ITPR2: variants seen among roughly 807,000 people sequenced by gnomAD.
The protein encoded by ITPR2 is inositol 1,4,5-trisphosphate-gated calcium channel ITPR2.
Under a neutral mutation model 317.1 loss-of-function variants are expected in ITPR2, and 207 were observed. That is an observed-to-expected ratio of 0.65 (90% confidence interval 0.58 to 0.73). The LOEUF (loss-of-function observed/expected upper bound fraction) is 0.73, where lower values mean the gene tolerates loss of function less well. Ranked by LOEUF, ITPR2 falls within the 30% of genes least tolerant of loss-of-function variation. ITPR2 has a pLI of 0.00. For synonymous variants in ITPR2, 1,156 were observed against 1,149.1 expected (o/e 1.01, Z -0.12); for missense variants, 2,613 against 3,284.0 (o/e 0.80, Z 4.99).
At chr12:26,827,221 G>T (rs1453235106) in intron 1 of ITPR2, among the ~76,000 whole-genome samples, 1 of 152,126 alleles carries the variant, frequency 6.6e-6, no homozygotes, top group Non-Finnish European at 1.5e-5. Flanking sequence ...TTCTTTAGAT[G>T]AAAATTTAAA....
At chr12:26,383,018 G>A (rs1049920636) in intron 55 of ITPR2, among the ~76,000 whole-genome samples, 3 of 152,160 alleles carry the variant, frequency 2.0e-5, no homozygotes, top group Non-Finnish European at 2.9e-5. Flanking sequence ...GGCTTAGTGG[G>A]AGGCTTTTGG....
intron 52 of ITPR2, among the ~76,000 whole-genome samples, 187 bp from the exon 53 acceptor site, chr12:26,400,445 T>C (rs961892108): frequency 6.6e-6 from 1 of 151,906 alleles, no homozygotes; most frequent in East Asian, 1.9e-4. Context: ...AAAAGATACA[T>C]ACAAATGTAT....
At chr12:26,760,413 C>A (rs1180203980) in intron 2 of ITPR2, among the ~76,000 whole-genome samples, 1 of 152,060 alleles carries the variant, frequency 6.6e-6, no homozygotes, top group African/African-American at 2.4e-5. Context: ...AGTATGTACA[C>A]TGAAAATGAA....
intron 8 of ITPR2, among the ~76,000 whole-genome samples, chr12:26,714,255 C>A (rs80106935): frequency 6.6e-6 from 1 of 152,164 alleles, no homozygotes; most frequent in African/African-American, 2.4e-5. Context: ...GTTATCTCTC[C>A]GTTTTTCAGT....
chr12:26,776,733 G>T (rs144876378), intron 2 of ITPR2, among the ~76,000 whole-genome samples: 1 of 152,208 alleles, frequency 6.6e-6, no homozygotes, highest in African/African-American at 2.4e-5. Flanking sequence ...TTCCACCTTT[G>T]TCTGAGTAGA....
chr12:26,428,941 C>T (rs1409044624), intron 48 of ITPR2, among the ~76,000 whole-genome samples: 1 of 152,132 alleles, frequency 6.6e-6, no homozygotes, highest in South Asian at 2.1e-4. Context: ...TATAGGCTGA[C>T]ATAGAAAGGA....
At chr12:26,728,694 C>T (rs1328008594) in intron 2 of ITPR2, among the ~76,000 whole-genome samples, 2 of 152,152 alleles carry the variant, frequency 1.3e-5, no homozygotes, top group Non-Finnish European at 2.9e-5. Context: ...TCTAAATTTA[C>T]TGCATAATAA....
chr12:26,518,133 G>A (rs1265082495), intron 37 of ITPR2, among the ~76,000 whole-genome samples: 1 of 152,174 alleles, frequency 6.6e-6, no homozygotes. Flanking sequence ...CCCATCAACA[G>A]TGGAATGGAT....
In ITPR2 at chr12:26,631,893, G is replaced by A; in HGVS notation, c.2907C>T (p.Thr969=). The change falls in exon 22 of 57, where the codon ACC becomes ACT. Residue 969 remains threonine (T), a synonymous_variant. Coordinates refer to ENST00000381340, the MANE Select transcript of ITPR2 (RefSeq NM_002223.4). ...GCAAAATCTCAATGATCTTCAGCTT[G>A]GTGTCCATCACAGTCACATCCTCGT... ...TEHEDVTVMD[T]KLKIIEILQF... 1 of 1,613,860 alleles carries A rather than the reference G, an allele frequency of 6.2e-7. No homozygotes were observed. The highest frequency in any genetic ancestry group is 8.5e-7 in the Non-Finnish European group (1 of 1,179,926).
At chr12:26,670,634 G>C (rs1183076597) in intron 13 of ITPR2, among the ~76,000 whole-genome samples, 2 of 152,142 alleles carry the variant, frequency 1.3e-5, no homozygotes, top group Admixed American at 1.3e-4. Flanking sequence ...ACTCTAAAAA[G>C]CAGAGCACCT....
chr12:26,821,720 A>G (rs1332932829), intron 1 of ITPR2, among the ~76,000 whole-genome samples: 1 of 152,186 alleles, frequency 6.6e-6, no homozygotes, highest in African/African-American at 2.4e-5. Context: ...TGCTTTCCAA[A>G]TCTTTAGAGC....
At chr12:26,676,615 G>A (rs1425844377) in intron 13 of ITPR2, among the ~76,000 whole-genome samples, 1 of 151,844 alleles carries the variant, frequency 6.6e-6, no homozygotes, top group Non-Finnish European at 1.5e-5. Flanking sequence ...GAAAGAACAA[G>A]TGAGATACAA....
chr12:26,588,258 C>A lies in ITPR2; in HGVS notation c.4380+7207G>T, dbSNP rs562388702. Among the ~76,000 whole-genome samples, 18 of 152,132 alleles carry A rather than the reference C, an allele frequency of 1.2e-4. No homozygotes were observed. In the East Asian group the frequency reaches 3.5e-3, roughly 29 times the overall value. On this transcript the variant is annotated intron_variant, in intron 32 of 56. Coordinates refer to ENST00000381340, the MANE Select transcript of ITPR2 (RefSeq NM_002223.4). ...ACTATAGACAGAGAAGGGATCCATT[C>A]CAAAGTCTGAGCCTGGCACACTCCA...
At chr12:26,538,010 A>T (rs1054696791) in intron 37 of ITPR2, among the ~76,000 whole-genome samples, 3 of 152,232 alleles carry the variant, frequency 2.0e-5, no homozygotes, top group African/African-American at 7.2e-5. Context: ...GGCTTCTGTT[A>T]TTTAACGTAA....
intron 13 of ITPR2, among the ~76,000 whole-genome samples, chr12:26,669,580 A>C (rs1947702057): frequency 6.6e-6 from 1 of 152,258 alleles, no homozygotes; most frequent in South Asian, 2.1e-4. Context: ...AAGATGGCCG[A>C]ATAGGAACAG....
At chr12:26,419,334 T>C in intron 49 of ITPR2, 121 bp from the exon 50 acceptor site, 3 of 830,636 alleles carry the variant, frequency 3.6e-6, no homozygotes, top group Non-Finnish European at 5.4e-6. Context: ...CATTAAAATC[T>C]ATGACTTTTT....
At chr12:26,664,417 C>T (rs1947573551) in intron 14 of ITPR2, among the ~76,000 whole-genome samples, 1 of 152,212 alleles carries the variant, frequency 6.6e-6, no homozygotes, top group African/African-American at 2.4e-5. Context: ...ACATGGGCAG[C>T]TGGTGGCTCC....
At chr12:26,567,980 A>ATATATATATATATATATTATATATATTT (rs1945033382) in intron 34 of ITPR2, among the ~76,000 whole-genome samples, 3 of 7,596 alleles carry the variant, frequency 3.9e-4, no homozygotes, top group Non-Finnish European at 1.5e-3. Flanking sequence ...TATATATATT[A>ATATATATATATATATATTATATATATTT]TATATATATA....
At chr12:26,533,130 TA>T (rs1409685847) in intron 37 of ITPR2, among the ~76,000 whole-genome samples, 1 of 152,246 alleles carries the variant, frequency 6.6e-6, no homozygotes, top group Non-Finnish European at 1.5e-5. Context: ...AGCCCAAAGC[TA>T]AAAACTGCCA....
Sources: gnomAD v4.1 joint callset for allele counts (sites outside exome capture counted in the v4.1 genomes callset) on GRCh38, gnomAD v4.1.1 for gene constraint, MANE v1.5 for transcripts, NCBI Gene and HGNC (gene_info 2026-07-23, HGNC 2026-07-21) for gene names.